Variants in IL19 observed in about 807,000 individuals in gnomAD.
The protein encoded by IL19 is interleukin 19.
In IL19, 15 loss-of-function variants were observed where a neutral mutation model predicts 19.5. The ratio of observed to expected loss-of-function variants is 0.77; its 90% CI spans 0.52 to 1.19. IL19 has a LOEUF of 1.19. Among genes scored for constraint, IL19 ranks in the 50% most tolerant of loss-of-function variants. IL19 has a pLI of 0.00. For synonymous variants in IL19, 78 were observed against 78.3 expected (o/e 1.00, Z 0.02); for missense variants, 199 against 213.1 (o/e 0.93, Z 0.41).
intron 1 of IL19, among the ~76,000 whole-genome samples, chr1:206,797,931 A>C (rs1277850656): frequency 6.6e-6 from 1 of 152,222 alleles, no homozygotes; most frequent in African/African-American, 2.4e-5. Context: ...CTGATTTTAC[A>C]GGCAGAAGAA....
At chr1:206,781,117 C>T in intron 1 of IL19, among the ~76,000 whole-genome samples, 1 of 151,950 alleles carries the variant, frequency 6.6e-6, no homozygotes, top group Admixed American at 6.6e-5. Context: ...CTGCAGTACC[C>T]CTACAGGAGC....
chr1:206,802,683 T>A (rs1280072927), intron 2 of IL19, among the ~76,000 whole-genome samples: 1 of 152,140 alleles, frequency 6.6e-6, no homozygotes, highest in Non-Finnish European at 1.5e-5. Context: ...TTTTCTTTTT[T>A]TTTTGCCATG....
rs192252929 is a variant in IL19, at chr1:206,799,173, T to A, written c.-3+167T>A. 6.6e-5 allele frequency among the ~76,000 whole-genome samples: 10 copies of A among 152,038 alleles called. No individual in the cohort carries two copies. In the East Asian group the frequency reaches 1.6e-3, roughly 24 times the overall value. On this transcript the variant is annotated intron_variant, in intron 2 of 6. Coordinates refer to ENST00000659997, the MANE Select transcript of IL19 (RefSeq NM_153758.5). ...CCTTATTGCCAGACTGCTGGCCAGGTTTAGGGGAGAAGGGGGGGTCACCAT... is the reference window on the plus strand; with the variant it reads ...CCTTATTGCCAGACTGCTGGCCAGGATTAGGGGAGAAGGGGGGGTCACCAT...
At chr1:206,833,966 T>C (rs1434790138) in intron 2 of IL19, 2 of 985,482 alleles carry the variant, frequency 2.0e-6, no homozygotes, top group Admixed American at 1.2e-4. Flanking sequence ...CCTCATGGGC[T>C]GGCTGCTGCA....
chr1:206,801,581 T>A (rs1675709596), intron 2 of IL19, among the ~76,000 whole-genome samples: 1 of 152,236 alleles, frequency 6.6e-6, no homozygotes, highest in South Asian at 2.1e-4. Flanking sequence ...GCATCACTTA[T>A]CCTTCCGGTC....
At chr1:206,803,499 G>A (rs1675768897) in intron 2 of IL19, among the ~76,000 whole-genome samples, 1 of 152,106 alleles carries the variant, frequency 6.6e-6, no homozygotes, top group South Asian at 2.1e-4. Context: ...GTTCCTGTCA[G>A]CATCTTGGCC....
chr1:206,785,991 G>C (rs1399712947), intron 1 of IL19, among the ~76,000 whole-genome samples: 1 of 152,094 alleles, frequency 6.6e-6, no homozygotes, highest in Non-Finnish European at 1.5e-5. Flanking sequence ...CTGTGTGTTA[G>C]GGAGGGGTGG....
At chr1:206,778,156 A>G (rs986385758) in intron 1 of IL19, among the ~76,000 whole-genome samples, 1 of 152,220 alleles carries the variant, frequency 6.6e-6, no homozygotes, top group African/African-American at 2.4e-5. Context: ...TCCGAGGATC[A>G]TGGCCGGCAG....
At chr1:206,771,431 A>G (rs2102439805) in intron 1 of IL19, 4 of 1,592,664 alleles carry the variant, frequency 2.5e-6, no homozygotes, top group Middle Eastern at 3.3e-4. Context: ...GGAAGAACAA[A>G]AGGAGAATGA....
intron 2 of IL19, among the ~76,000 whole-genome samples, chr1:206,835,045 T>A (rs996263962): frequency 6.6e-6 from 1 of 152,222 alleles, no homozygotes; most frequent in African/African-American, 2.4e-5. Context: ...GCACGCAGGA[T>A]AAATGTTACT....
At chr1:206,791,579 AG>A (rs1465789153) in intron 1 of IL19, among the ~76,000 whole-genome samples, 3 of 152,202 alleles carry the variant, frequency 2.0e-5, no homozygotes, top group Non-Finnish European at 4.4e-5. Context: ...CTGGGATTAC[AG>A]GCATGAGCCA....
chr1:206,819,566 A>G (rs1676244220), intron 2 of IL19, among the ~76,000 whole-genome samples: 2 of 139,396 alleles, frequency 1.4e-5, no homozygotes, highest in African/African-American at 5.2e-5. Context: ...TGGGTGACAG[A>G]GCAAGACTCC....
At chr1:206,806,431 G>A (rs546122118) in intron 2 of IL19, among the ~76,000 whole-genome samples, 69 of 151,668 alleles carry the variant, frequency 4.5e-4, no homozygotes, top group African/African-American at 1.6e-3. Flanking sequence ...TAAATAAATA[G>A]GCAGGGAGAA....
At chr1:206,797,885 T>C (rs1039357760) in intron 1 of IL19, among the ~76,000 whole-genome samples, 34 of 152,352 alleles carry the variant, frequency 2.2e-4, no homozygotes, top group Middle Eastern at 3.4e-3. Context: ...TGAAGAGGGT[T>C]AAGATAAAAA....
intron 2 of IL19, chr1:206,834,116 G>A (rs1558622071): frequency 1.0e-6 from 1 of 985,436 alleles, no homozygotes; most frequent in Non-Finnish European, 1.2e-6. Context: ...TTTGCATGGA[G>A]ATGGGGAGTT....
At chr1:206,813,364 A>G (rs1008400122) in intron 2 of IL19, among the ~76,000 whole-genome samples, 3 of 152,056 alleles carry the variant, frequency 2.0e-5, no homozygotes, top group Admixed American at 6.5e-5. Context: ...CTCCTTCATC[A>G]TAACTTTTTT....
intron 2 of IL19, among the ~76,000 whole-genome samples, chr1:206,815,791 A>G (rs781350213): frequency 6.6e-6 from 1 of 152,224 alleles, no homozygotes; most frequent in African/African-American, 2.4e-5. Flanking sequence ...AAGTAATGCA[A>G]ATAAGAAGAT....
chr1:206,815,018 G>T (rs1676117421), intron 2 of IL19, among the ~76,000 whole-genome samples: 1 of 152,156 alleles, frequency 6.6e-6, no homozygotes, highest in Non-Finnish European at 1.5e-5. Context: ...GTACAGATAG[G>T]TCATTTCTGT....
chr1:206,831,588 TA>T (rs1676611814), intron 2 of IL19, among the ~76,000 whole-genome samples: 1 of 152,218 alleles, frequency 6.6e-6, no homozygotes, highest in South Asian at 2.1e-4. Flanking sequence ...AAATTGATAA[TA>T]AATGTCATTT....
Sources: allele counts gnomAD v4.1 joint callset (sites outside exome capture counted in the v4.1 genomes callset), GRCh38; gene constraint gnomAD v4.1.1; transcripts MANE v1.5; gene names NCBI Gene and HGNC (gene_info 2026-07-23, HGNC 2026-07-21).